Variants in OPCML observed in about 807,000 individuals in gnomAD.
OPCML encodes the protein opioid-binding protein/cell adhesion molecule.
A neutral mutation model predicts 37.8 loss-of-function variants in OPCML; 13 were observed. The observed-to-expected ratio is 0.34, with a 90% confidence interval of 0.22 to 0.55. The LOEUF is 0.55. OPCML is among the 20% of genes least tolerant of loss of function. The probability of loss-of-function intolerance (pLI) is 0.91; values close to 1 mark genes in which losing one functional copy is unlikely to be tolerated. For missense variants in OPCML, 341 were observed against 435.6 expected (o/e 0.78, Z 1.93); for synonymous variants, 176 against 168.8 (o/e 1.04, Z -0.33).
intron 7 of OPCML, among the ~76,000 whole-genome samples, chr11:132,424,331 G>A (rs1215911814): frequency 6.6e-6 from 1 of 152,144 alleles, no homozygotes; most frequent in Non-Finnish European, 1.5e-5. Context: ...ACGTTAGCCA[G>A]GATGTTCTCG....
chr11:132,490,508 T>G (rs989107953), intron 4 of OPCML, among the ~76,000 whole-genome samples: 15 of 151,598 alleles, frequency 9.9e-5, no homozygotes, highest in African/African-American at 3.4e-4. Context: ...TGCTTTATAC[T>G]CAAATGCCTT....
intron 1 of OPCML, among the ~76,000 whole-genome samples, chr11:132,975,438 T>G (rs373469379): frequency 6.7e-6 from 1 of 149,162 alleles, no homozygotes; most frequent in Non-Finnish European, 1.5e-5. Context: ...TATGAGTATA[T>G]GGGTGCATAA....
intron 2 of OPCML, among the ~76,000 whole-genome samples, chr11:132,681,886 T>C (rs966483353): frequency 2.0e-5 from 3 of 148,788 alleles, no homozygotes; most frequent in Admixed American, 6.7e-5. Flanking sequence ...ACCCGGGAGG[T>C]GGAGCTTGCA....
chr11:132,973,906 ACGGAG>A (rs1946399677), intron 1 of OPCML, among the ~76,000 whole-genome samples: 2 of 151,996 alleles, frequency 1.3e-5, no homozygotes, highest in African/African-American at 4.8e-5. Flanking sequence ...TAGAGAAAGC[ACGGAG>A]TGGATCTGGC....
At chr11:133,337,887 C>T (rs140188757) in intron 1 of OPCML, among the ~76,000 whole-genome samples, 260 of 152,100 alleles carry the variant, frequency 1.7e-3, no homozygotes, top group African/African-American at 5.8e-3. Context: ...AAATTGGGGG[C>T]TCACACACTG....
chr11:132,574,805 T>G (rs549208454), intron 3 of OPCML, among the ~76,000 whole-genome samples: 6 of 152,082 alleles, frequency 3.9e-5, no homozygotes, highest in African/African-American at 1.4e-4. Context: ...GTCCTTGGTT[T>G]CCTTATTGAT....
At chr11:132,737,854 T>A (rs192400621) in intron 2 of OPCML, among the ~76,000 whole-genome samples, 3 of 152,334 alleles carry the variant, frequency 2.0e-5, no homozygotes, top group Non-Finnish European at 2.9e-5. Flanking sequence ...GAAAGAGAGT[T>A]GGGCAACCAG....
intron 1 of OPCML, among the ~76,000 whole-genome samples, chr11:133,094,257 A>T (rs1326454769): frequency 2.0e-5 from 3 of 152,232 alleles, no homozygotes; most frequent in Non-Finnish European, 4.4e-5. Context: ...GGTGAATCAC[A>T]GTAAAATATT....
At chr11:132,970,870 T>C (rs548199503) in intron 1 of OPCML, among the ~76,000 whole-genome samples, 8 of 152,364 alleles carry the variant, frequency 5.3e-5, no homozygotes, top group African/African-American at 1.9e-4. Context: ...TAGAATTTAC[T>C]TCATTGATCT....
intron 1 of OPCML, among the ~76,000 whole-genome samples, chr11:133,394,859 T>C (rs1945252725): frequency 6.6e-6 from 1 of 152,248 alleles, no homozygotes; most frequent in Non-Finnish European, 1.5e-5. Flanking sequence ...CTCTTTGATG[T>C]ACCGATTTCC....
intron 2 of OPCML, among the ~76,000 whole-genome samples, chr11:132,733,708 C>T (rs1368691774): frequency 6.6e-6 from 1 of 152,080 alleles, no homozygotes; most frequent in Non-Finnish European, 1.5e-5. Context: ...CACATTGATC[C>T]ACCGTGGTAA....
At chr11:133,409,503 T>G (rs948951813) in intron 1 of OPCML, among the ~76,000 whole-genome samples, 2 of 152,208 alleles carry the variant, frequency 1.3e-5, no homozygotes, top group Admixed American at 1.3e-4. Flanking sequence ...CAAATGTTCT[T>G]TTACACTAGC....
intron 1 of OPCML, among the ~76,000 whole-genome samples, chr11:132,964,805 C>A (rs1487934079): frequency 6.6e-6 from 1 of 152,068 alleles, no homozygotes; most frequent in East Asian, 1.9e-4. Flanking sequence ...TTCTATCGTT[C>A]CTTTATGAAG....
rs931897697 is a variant in OPCML at position 133,206,370 on chromosome 11, A to G, written c.62-263360T>C. On this transcript the variant is annotated intron_variant, in intron 1 of 7. Transcript: ENST00000524381. The surrounding 1 kb of genome is among the most constrained non-coding windows in gnomAD (Gnocchi z 4.7). The stretch of plus-strand genomic sequence containing the variant: ...GTATCTACTACCACGTAGCAATGAA[A>G]CATTTAGGAAACTGCATAACTTCTG... 1.4e-4 allele frequency among the ~76,000 whole-genome samples: 21 copies of G among 152,176 alleles called. No individual in the cohort carries two copies. Among genetic ancestry groups the G allele is most frequent in the Non-Finnish European group, 8.8e-5 (6 of 68,036 alleles).
intron 1 of OPCML, chr11:133,422,792 A>G (rs887144503): frequency 1.1e-6 from 1 of 898,494 alleles, no homozygotes; most frequent in Non-Finnish European, 1.3e-6. Context: ...TTTATATTAC[A>G]AAATAAAAGA....
intron 2 of OPCML, among the ~76,000 whole-genome samples, chr11:132,938,279 C>T (rs1490350041): frequency 6.6e-6 from 1 of 151,896 alleles, no homozygotes; most frequent in Non-Finnish European, 1.5e-5. Flanking sequence ...CATAACCACA[C>T]ATGAAAAAAT....
chr11:133,031,806 A>G (rs562751817), intron 1 of OPCML, among the ~76,000 whole-genome samples: 12 of 152,340 alleles, frequency 7.9e-5, no homozygotes, highest in African/African-American at 2.9e-4. Flanking sequence ...ATCACAGGAC[A>G]GTCAGAAACA....
chr11:133,143,966 C>T (rs1238832533), intron 1 of OPCML, among the ~76,000 whole-genome samples: 1 of 152,136 alleles, frequency 6.6e-6, no homozygotes, highest in African/African-American at 2.4e-5. Context: ...GAGGAGGGCT[C>T]ATATGGCCCT....
At chr11:133,178,746 G>A (rs184746008) in intron 1 of OPCML, among the ~76,000 whole-genome samples, 2 of 152,094 alleles carry the variant, frequency 1.3e-5, no homozygotes, top group Non-Finnish European at 2.9e-5. Flanking sequence ...ATTCAGCCGA[G>A]GTAGGTGCTT....
Sources: allele counts gnomAD v4.1 joint callset (sites outside exome capture counted in the v4.1 genomes callset), GRCh38; gene constraint gnomAD v4.1.1; non-coding constraint Gnocchi (gnomAD v3.1); transcripts MANE v1.5; gene names NCBI Gene and HGNC (gene_info 2026-07-23, HGNC 2026-07-21).